GNA13: variants seen among roughly 807,000 people sequenced by gnomAD.
The protein encoded by GNA13 is guanine nucleotide-binding protein subunit alpha-13.
GNA13 carries 4 observed loss-of-function variants against 33.5 expected under a neutral mutation model. The ratio of observed to expected loss-of-function variants is 0.12; its 90% confidence interval spans 0.06 to 0.27. The LOEUF (loss-of-function observed/expected upper bound fraction) is 0.27. Ranked by LOEUF, GNA13 falls within the 10% of genes least tolerant of loss-of-function variation. The pLI, the probability that GNA13 is intolerant of heterozygous loss-of-function variation, is 1.00. For missense variants in GNA13, 319 were observed against 487.2 expected, an observed-to-expected ratio of 0.65 and a Z score of 3.25; for synonymous variants, 176 against 183.8, an observed-to-expected ratio of 0.96 and a Z score of 0.34.
chr17:65,018,993 A>C (rs996023329), intron 2 of GNA13, among the ~76,000 whole-genome samples: 6 of 152,222 alleles, frequency 3.9e-5, no homozygotes, highest in African/African-American at 1.2e-4. Context: ...ATTTTGGGAA[A>C]GAAGGGGTCT....
chr17:65,016,015 A>G (rs945306621), intron 3 of GNA13, among the ~76,000 whole-genome samples: 1 of 152,040 alleles, frequency 6.6e-6, no homozygotes, highest in Admixed American at 6.6e-5. Flanking sequence ...TCTTCTCTGC[A>G]CTCTTGGTCA....
intron 2 of GNA13, among the ~76,000 whole-genome samples, chr17:65,037,789 A>AAAAAAAAAAAAAAAAAAAAAC (rs1907307609): frequency 6.7e-6 from 1 of 149,488 alleles, no homozygotes; most frequent in Admixed American, 6.7e-5. Flanking sequence ...AAAAAAAAAA[A>AAAAAAAAAAAAAAAAAAAAAC]AAAAAAAAAA....
chr17:65,024,235 G>C (rs1177338040), intron 2 of GNA13, among the ~76,000 whole-genome samples: 1 of 152,208 alleles, frequency 6.6e-6, no homozygotes, highest in Non-Finnish European at 1.5e-5. Context: ...CTGGGCGACA[G>C]AGCAAGACCT....
At position 65,014,141 on chromosome 17, in the gene GNA13, T is replaced by C. The variant is rs950736496; in HGVS notation, c.*116A>G. ...AAAAGTACTAAGATTTTCAAGAAGT[T>C]AAACGTAGAATTAAGATTGTTCTAA... On this transcript the variant is annotated 3_prime_UTR_variant, in exon 4 of 4. Coordinates refer to ENST00000439174, the MANE Select transcript of GNA13 (RefSeq NM_006572.6). This position sits in a 1 kb window ranked among gnomAD's most constrained non-coding sequence, Gnocchi z 5.3. The C allele has an allele frequency of 6.1e-6, 4 of 659,950 alleles. No individual in the cohort carries two copies. Among genetic ancestry groups the C allele is most frequent in the Non-Finnish European group, 1.0e-5 (4 of 384,680 alleles). The allele number at this position is 659,950 out of a possible 1,614,324, so 40.9% of individuals were successfully genotyped here.
At chr17:65,015,184 T>G (rs996208101) in intron 3 of GNA13, among the ~76,000 whole-genome samples, 1 of 152,128 alleles carries the variant, frequency 6.6e-6, no homozygotes, top group Non-Finnish European at 1.5e-5. Flanking sequence ...AGAATCTACT[T>G]GTTTTCATCC....
chr17:65,017,755 G>A (rs899149288), intron 3 of GNA13, among the ~76,000 whole-genome samples: 5 of 152,104 alleles, frequency 3.3e-5, no homozygotes, highest in African/African-American at 4.8e-5. Context: ...GCATGAATTC[G>A]AAAATGTCAT....
chr17:65,033,886 G>A (rs1321444124), intron 2 of GNA13, among the ~76,000 whole-genome samples: 8 of 151,656 alleles, frequency 5.3e-5, no homozygotes, highest in South Asian at 2.1e-4. Flanking sequence ...GGTAGTGGGC[G>A]CCTGTAGTCC....
chr17:65,014,221 CACAAAAAGAT>C lies in GNA13; in HGVS notation c.*26_*35del. On this transcript the variant is annotated 3_prime_UTR_variant, in exon 4 of 4. Coordinates refer to ENST00000439174, the MANE Select transcript of GNA13 (RefSeq NM_006572.6). This position sits in a 1 kb window ranked among gnomAD's most constrained non-coding sequence, Gnocchi z 5.3. The stretch of plus-strand genomic sequence containing the variant: ...CAAAACAAACAGAAAACATCAAAAA[CACAAAAAGAT>C]ATTAAAACAGCAAGTCTTTTGTACA... The C allele has an allele frequency of 8.1e-7, 1 of 1,237,690 alleles. No individual in the cohort carries two copies. The highest frequency in any genetic ancestry group is 1.2e-6 in the Non-Finnish European group (1 of 861,704). The allele number at this position is 1,237,690 out of a possible 1,614,324, so 76.7% of individuals were successfully genotyped here.
intron 2 of GNA13, among the ~76,000 whole-genome samples, chr17:65,037,172 T>C (rs1362857796): frequency 6.6e-6 from 1 of 152,246 alleles, no homozygotes; most frequent in East Asian, 1.9e-4. Flanking sequence ...AACAATCTTA[T>C]GAACTAATAT....
chr17:65,046,257 C>T (rs62062475), intron 2 of GNA13, among the ~76,000 whole-genome samples: 12,736 of 151,914 alleles, frequency 0.084, 594 homozygotes, highest in Middle Eastern at 0.12. Context: ...TTAAATTAAA[C>T]AATTATTATA....
At position 65,012,516 on chromosome 17, in the gene GNA13, CG is replaced by C; in HGVS notation, c.*1740del. 1 of 218,402 alleles carries C rather than the reference CG, an allele frequency of 4.6e-6. No individual in the cohort carries two copies. The highest frequency in any genetic ancestry group is 9.2e-6 in the Non-Finnish European group (1 of 108,634). The allele number at this position is 218,402 out of a possible 1,614,324, so 13.5% of individuals were successfully genotyped here. A position where few individuals can be genotyped will look rare whatever the true frequency, so the allele number is the denominator to read the frequency against. ...GAACTTGCATCACGGTGCCGGGCTA[CG>C]TATGTGTAGCTCATGGATTACCATG... On this transcript the variant is annotated 3_prime_UTR_variant, in exon 4 of 4. Transcript: ENST00000439174.
At chr17:65,030,266 T>G (rs1425533292) in intron 2 of GNA13, among the ~76,000 whole-genome samples, 1 of 152,250 alleles carries the variant, frequency 6.6e-6, no homozygotes, top group Non-Finnish European at 1.5e-5. Flanking sequence ...TTTATAATCC[T>G]GAAGTTTCAG....
Position 65,056,664 on chromosome 17 carries a change from C to T in GNA13, c.-71G>A. On this transcript the variant is annotated 5_prime_UTR_variant, in exon 1 of 4. Coordinates refer to ENST00000439174, the MANE Select transcript of GNA13 (RefSeq NM_006572.6). ...CACCTCCTCCTCCGGCGGCGGGCGG[C>T]TCCGGCACCGAGGCTCGAGGGCGGG... The T allele has an allele frequency of 7.8e-7, 1 of 1,284,510 alleles. No homozygotes were observed. Among genetic ancestry groups the T allele is most frequent in the Non-Finnish European group, 1.0e-6 (1 of 977,462 alleles). The allele number at this position is 1,284,510 out of a possible 1,614,324, so 79.6% of individuals were successfully genotyped here.
At chr17:65,034,012 C>CAAAAAAAAAAAAAA (rs780895691) in intron 2 of GNA13, among the ~76,000 whole-genome samples, 1 of 50,078 alleles carries the variant, frequency 2.0e-5, no homozygotes, top group Non-Finnish European at 3.2e-5. Context: ...GACTCCGTCT[C>CAAAAAAAAAAAAAA]AAAAAAAAAA....
chr17:65,047,179 T>C (rs1907696024), intron 2 of GNA13, among the ~76,000 whole-genome samples: 1 of 152,228 alleles, frequency 6.6e-6, no homozygotes, highest in Non-Finnish European at 1.5e-5. Flanking sequence ...GTAACCACTC[T>C]GACATCTGAT....
At chr17:65,038,042 C>T (rs940759926) in intron 2 of GNA13, among the ~76,000 whole-genome samples, 1 of 152,120 alleles carries the variant, frequency 6.6e-6, no homozygotes, top group African/African-American at 2.4e-5. Context: ...AGTACTTAAG[C>T]TCGTTGACTT....
chr17:65,056,315 G>T lies in GNA13; in HGVS notation c.279C>A (p.Ile93=). 1 of 1,540,112 alleles carries T rather than the reference G, an allele frequency of 6.5e-7. No homozygotes were observed. Residue 93 remains isoleucine (I), a synonymous_variant, in exon 1 of 4, where the codon ATC becomes ATA. Transcript: ENST00000439174. The part of the protein sequence containing the change: ...EFRPTIYSNV[I]KGMRVLVDAR... Reference sequence around the variant, plus strand: ...CCCCCATTCCCGGCCCGGCACCTTTGATCACGTTGCTGTAGATGGTGGGGC... The same window carrying T: ...CCCCCATTCCCGGCCCGGCACCTTTTATCACGTTGCTGTAGATGGTGGGGC...
intron 2 of GNA13, among the ~76,000 whole-genome samples, chr17:65,047,333 G>A (rs1191398925): frequency 1.3e-5 from 2 of 152,064 alleles, no homozygotes; most frequent in Non-Finnish European, 2.9e-5. Flanking sequence ...AGGTTACAGT[G>A]AACTATGATC....
In GNA13 at chr17:65,012,031, T is replaced by A. The variant is rs1188223740; in HGVS notation, c.*2226A>T. On this transcript the variant is annotated 3_prime_UTR_variant, in exon 4 of 4. Coordinates refer to ENST00000439174, the MANE Select transcript of GNA13 (RefSeq NM_006572.6). ...CATTGCCTCAAAATATAGTCTAGAT[T>A]TTAAAAGAATGTTGATTCTGAGACA... 4.4e-6 allele frequency: 1 copy of A among 228,342 alleles called. No individual in the cohort carries two copies. The highest frequency in any genetic ancestry group is 8.7e-6 in the Non-Finnish European group (1 of 115,132). 14.1% of individuals were successfully genotyped at this position (228,342 alleles called of 1,614,324 possible).
Sources: gnomAD v4.1 joint callset for allele counts (sites outside exome capture counted in the v4.1 genomes callset) on GRCh38, gnomAD v4.1.1 for gene constraint, Gnocchi (gnomAD v3.1) non-coding constraint, MANE v1.5 for transcripts, NCBI Gene and HGNC (gene_info 2026-07-23, HGNC 2026-07-21) for gene names.